The following SYNPO2 variants were observed in gnomAD, a reference collection of about 807,000 sequenced individuals.
The protein encoded by SYNPO2 is synaptopodin-2.
SYNPO2 carries 56 observed loss-of-function variants against 85.0 expected under a neutral mutation model. The ratio of observed to expected loss-of-function variants is 0.66; its 90% CI spans 0.53 to 0.82. The LOEUF is 0.82. Among genes scored for constraint, SYNPO2 ranks in the 40% least tolerant of loss-of-function variants. The pLI is 0.00. For synonymous variants in SYNPO2, 602 were observed against 591.1 expected, an observed-to-expected ratio of 1.02 and a Z score of -0.27; for missense variants, 1,575 against 1,534.2, an observed-to-expected ratio of 1.03 and a Z score of -0.44.
upstream of SYNPO2, among the ~76,000 whole-genome samples, chr4:118,884,544 G>C (rs975802812): frequency 2.0e-5 from 3 of 152,202 alleles, no homozygotes; most frequent in Admixed American, 1.3e-4. Flanking sequence ...CACTGCTGGG[G>C]TGGGAGGATC....
chr4:118,965,056 C>A lies in SYNPO2; in HGVS notation c.106-58374C>A, dbSNP rs1384972777. On this transcript the variant is annotated intron_variant, in intron 1 of 4. Transcript: ENST00000307142. ...TCCTGCTTTCTAATGTACTGTGCAT[C>A]TTGTAGCTGTTCCTTTATCTCTGTC... is the stretch of plus-strand genomic sequence containing the variant. 9.2e-5 allele frequency among the ~76,000 whole-genome samples: 14 copies of A among 152,270 alleles called. 1 individual carries two copies. The South Asian group carries it at 2.9e-3, about 32-fold the overall frequency.
chr4:118,957,122 C>T (rs1250629249), intron 1 of SYNPO2, among the ~76,000 whole-genome samples: 2 of 152,064 alleles, frequency 1.3e-5, no homozygotes, highest in Non-Finnish European at 2.9e-5. Context: ...TTATAAACCC[C>T]AAGGGTGCAC....
intron 1 of SYNPO2, among the ~76,000 whole-genome samples, chr4:119,009,717 G>A (rs939501388): frequency 6.6e-6 from 1 of 152,134 alleles, no homozygotes; most frequent in African/African-American, 2.4e-5. Context: ...ATAAAAGCAG[G>A]GTTCTGTACT....
chr4:118,917,780 A>AT (rs1213424729), intron 1 of SYNPO2, among the ~76,000 whole-genome samples: 1 of 152,178 alleles, frequency 6.6e-6, no homozygotes, highest in African/African-American at 2.4e-5. Context: ...TTGAAAAGAG[A>AT]TTTTTTATTA....
chr4:118,938,095 G>A (rs578196296), intron 1 of SYNPO2, among the ~76,000 whole-genome samples: 12 of 152,254 alleles, frequency 7.9e-5, no homozygotes, highest in Non-Finnish European at 1.6e-4. Flanking sequence ...CTGAGGTCAG[G>A]AGTTCAAGCA....
In SYNPO2 at chr4:118,903,545, G is replaced by A. The variant is rs115691206; in HGVS notation, c.105+14404G>A. On this transcript the variant is annotated intron_variant, in intron 1 of 4. Coordinates refer to ENST00000307142, the MANE Select transcript of SYNPO2 (RefSeq NM_133477.3). ...CAACTTGCGATGATGCTTTTACCCA[G>A]TGCAAGTTTTCATTTTTGATAAATA... is the stretch of plus-strand genomic sequence containing the variant. Among the ~76,000 whole-genome samples, 856 of 152,268 alleles carry A rather than the reference G, an allele frequency of 5.6e-3. 12 individuals carry two copies. The highest frequency in any genetic ancestry group is 0.019 in the African/African-American group (805 of 41,548).
At chr4:119,035,920 G>A (rs1051760767) in intron 4 of SYNPO2, 89 of 985,120 alleles carry the variant, frequency 9.0e-5, no homozygotes, top group Non-Finnish European at 1.0e-4. Flanking sequence ...GAACTTTGAA[G>A]GTCATTCGGC....
intron 1 of SYNPO2, among the ~76,000 whole-genome samples, chr4:118,933,360 T>C (rs918891469): frequency 2.6e-5 from 4 of 152,224 alleles, no homozygotes; most frequent in South Asian, 2.1e-4. Context: ...GACCAGAGGC[T>C]ACTGATGTGG....
Position 118,876,662 on chromosome 4 carries a change from CCTTTCTCTTT to C in SYNPO2, c.12+25729_12+25738del, listed in dbSNP as rs1388802419. 3.7e-3 allele frequency among the ~76,000 whole-genome samples: 519 copies of C among 141,736 alleles called. 4 individuals are homozygous for C. Among genetic ancestry groups the C allele is most frequent in the Non-Finnish European group, 5.6e-3 (352 of 63,076 alleles). 93.0% of individuals were successfully genotyped at this position (141,736 alleles called of 152,430 possible). On this transcript the variant is annotated intron_variant, in intron 1 of 4. Transcript: ENST00000610556. ...TCCTTCCTTTCTTCCTTCCTTCCTT[CCTTTCTCTTT>C]CTTTCTTTCTTTCTTTCTTTCTTTC...
chr4:118,903,385 T>G (rs1173921341), intron 1 of SYNPO2, among the ~76,000 whole-genome samples: 1 of 152,156 alleles, frequency 6.6e-6, no homozygotes, highest in Non-Finnish European at 1.5e-5. Flanking sequence ...TCGTTAGTAT[T>G]GTTATTCTAG....
At chr4:118,865,106 C>T (rs574223630) in intron 1 of SYNPO2, among the ~76,000 whole-genome samples, 3 of 152,240 alleles carry the variant, frequency 2.0e-5, no homozygotes, top group South Asian at 4.1e-4. Context: ...ATTTGTGGGG[C>T]CAGGCCAGAC....
chr4:118,887,962 T>C (rs1732236938), upstream of SYNPO2, among the ~76,000 whole-genome samples: 1 of 152,226 alleles, frequency 6.6e-6, no homozygotes, highest in South Asian at 2.1e-4. Flanking sequence ...AATTAAAATG[T>C]CCTTTTTGTA....
intron 1 of SYNPO2, among the ~76,000 whole-genome samples, chr4:118,871,067 C>T (rs1731790157): frequency 1.3e-5 from 2 of 152,142 alleles, no homozygotes; most frequent in African/African-American, 4.8e-5. Flanking sequence ...ACCTACCTGT[C>T]CTATCTCTGT....
intron 1 of SYNPO2, among the ~76,000 whole-genome samples, chr4:119,022,700 T>G (rs1306993710): frequency 1.5e-5 from 2 of 134,746 alleles, no homozygotes; most frequent in African/African-American, 5.6e-5. Context: ...GTATTTTATT[T>G]TATTTTATAT....
At chr4:118,863,492 C>T (rs1251588043) in intron 1 of SYNPO2, among the ~76,000 whole-genome samples, 1 of 152,130 alleles carries the variant, frequency 6.6e-6, no homozygotes, top group African/African-American at 2.4e-5. Context: ...TCTGCAGTAT[C>T]ATTTGGTAAT....
intron 1 of SYNPO2, among the ~76,000 whole-genome samples, chr4:119,018,314 T>C (rs1429372264): frequency 6.6e-6 from 1 of 152,216 alleles, no homozygotes. Flanking sequence ...CCACTGTGTA[T>C]ATGTACCGCT....
At chr4:118,879,497 C>T (rs976463176) in intron 1 of SYNPO2, among the ~76,000 whole-genome samples, 7 of 152,150 alleles carry the variant, frequency 4.6e-5, no homozygotes, top group African/African-American at 1.7e-4. Flanking sequence ...GATGATCTTT[C>T]TCTATGTGAG....
chr4:118,902,914 T>C (rs1032673918), intron 1 of SYNPO2, among the ~76,000 whole-genome samples: 3 of 152,240 alleles, frequency 2.0e-5, no homozygotes, highest in African/African-American at 7.2e-5. Context: ...TTTTCTAATG[T>C]GTCTTAATTT....
At chr4:118,879,210 A>G (rs1007146931) in intron 1 of SYNPO2, among the ~76,000 whole-genome samples, 1 of 152,188 alleles carries the variant, frequency 6.6e-6, no homozygotes, top group Non-Finnish European at 1.5e-5. Flanking sequence ...ACACTCACCG[A>G]TAAGGGTCCG....
Sources: gnomAD v4.1 joint callset for allele counts (sites outside exome capture counted in the v4.1 genomes callset) on GRCh38, gnomAD v4.1.1 for gene constraint, MANE v1.5 for transcripts, NCBI Gene and HGNC (gene_info 2026-07-23, HGNC 2026-07-21) for gene names.